The following AMBRA1 variants were observed in gnomAD, a reference collection of about 807,000 sequenced individuals.
The protein encoded by AMBRA1 is autophagy and beclin 1 regulator 1, also known as activating molecule in BECN1-regulated autophagy protein 1.
In AMBRA1, 47 loss-of-function variants were observed where a neutral mutation model predicts 125.4. That is an observed-to-expected ratio of 0.37 (90% confidence interval 0.30 to 0.48). The LOEUF (loss-of-function observed/expected upper bound fraction) is 0.48. AMBRA1 is among the 20% of genes least tolerant of loss of function. AMBRA1 has a pLI of 0.99. For missense variants in AMBRA1, 1,331 were observed against 1,693.4 expected, an observed-to-expected ratio of 0.79 and a Z score of 3.76; for synonymous variants, 626 against 655.5, an observed-to-expected ratio of 0.95 and a Z score of 0.69.
intron 11 of AMBRA1, among the ~76,000 whole-genome samples, chr11:46,474,914 C>T (rs953373560): frequency 6.6e-6 from 1 of 152,056 alleles, no homozygotes; most frequent in African/African-American, 2.4e-5. Flanking sequence ...ACACAGTGTG[C>T]GCTTGAGAAA....
intron 1 of AMBRA1, among the ~76,000 whole-genome samples, chr11:46,560,302 T>C (rs1267227923): frequency 1.3e-5 from 2 of 152,286 alleles, no homozygotes; most frequent in Admixed American, 6.5e-5. Context: ...ATATCACAAA[T>C]GGGCTAACAA....
intron 1 of AMBRA1, among the ~76,000 whole-genome samples, chr11:46,589,767 C>T (rs1039489549): frequency 2.6e-5 from 4 of 151,796 alleles, no homozygotes; most frequent in African/African-American, 9.7e-5. Context: ...CTACAGGCGC[C>T]CACCACCATT....
At chr11:46,538,183 C>T (rs1952566907) in intron 7 of AMBRA1, among the ~76,000 whole-genome samples, 1 of 152,192 alleles carries the variant, frequency 6.6e-6, no homozygotes, top group Non-Finnish European at 1.5e-5. Flanking sequence ...ACTTATTTTA[C>T]AACATACCTC....
intron 3 of AMBRA1, 160 bp from the exon 4 acceptor site, chr11:46,547,456 C>G (rs1052140170): frequency 1.5e-6 from 1 of 660,328 alleles, no homozygotes; most frequent in East Asian, 2.8e-5. Flanking sequence ...CAGAAATATT[C>G]TGATCTTTAA....
intron 1 of AMBRA1, among the ~76,000 whole-genome samples, chr11:46,569,799 T>C (rs974948305): frequency 2.0e-5 from 3 of 151,086 alleles, no homozygotes; most frequent in Non-Finnish European, 1.5e-5. Context: ...CCATCTCTAC[T>C]AAAAATACAA....
At chr11:46,548,820 C>T (rs974799456) in intron 1 of AMBRA1, among the ~76,000 whole-genome samples, 3 of 152,026 alleles carry the variant, frequency 2.0e-5, no homozygotes, top group African/African-American at 7.2e-5. Flanking sequence ...GGTGAAACCC[C>T]GTCTCTACTA....
intron 7 of AMBRA1, among the ~76,000 whole-genome samples, chr11:46,520,140 GAAA>G (rs35213610): frequency 4.6e-5 from 5 of 108,534 alleles, no homozygotes; most frequent in Admixed American, 1.1e-4. Flanking sequence ...ACTCCGCCTC[GAAA>G]AAAAAAAAAA....
chr11:46,411,199 G>C (rs1018530973), intron 15 of AMBRA1, among the ~76,000 whole-genome samples: 2 of 151,338 alleles, frequency 1.3e-5, no homozygotes, highest in African/African-American at 4.9e-5. Context: ...AGCGGAGGAA[G>C]ACAAACTTCA....
chr11:46,436,721 G>T (rs943313153), intron 12 of AMBRA1, among the ~76,000 whole-genome samples: 2 of 152,180 alleles, frequency 1.3e-5, no homozygotes, highest in Non-Finnish European at 2.9e-5. Context: ...TCCAGCTGGG[G>T]ATATAGAACC....
At position 46,476,522 on chromosome 11, in the gene AMBRA1, C is replaced by A. The variant is rs539010016; in HGVS notation, c.2521+17086G>T. On this transcript the variant is annotated intron_variant, in intron 11 of 17. Coordinates refer to ENST00000683756, the MANE Select transcript of AMBRA1 (RefSeq NM_001387011.1). ...CCAGGTAAGACATAGATTAGAATAG[C>A]CAGAAACTTATTCACAGCATGTGCT... 4.8e-4 allele frequency among the ~76,000 whole-genome samples: 51 copies of A among 106,138 alleles called. 1 individual carries two copies. The South Asian group carries it at 0.014, about 28-fold the overall frequency. 69.6% of individuals were successfully genotyped at this position (106,138 alleles called of 152,430 possible).
At chr11:46,537,870 A>G (rs1952553411) in intron 7 of AMBRA1, among the ~76,000 whole-genome samples, 1 of 152,226 alleles carries the variant, frequency 6.6e-6, no homozygotes, top group Admixed American at 6.5e-5. Flanking sequence ...TTTCAAGTAC[A>G]ATCACCTTTT....
intron 1 of AMBRA1, among the ~76,000 whole-genome samples, chr11:46,568,909 C>A (rs1220636875): frequency 6.9e-6 from 1 of 145,252 alleles, no homozygotes; most frequent in South Asian, 2.2e-4. Flanking sequence ...CAGGTTCAAT[C>A]GATTCTCCTG....
Position 46,542,962 on chromosome 11 carries a change from G to A in AMBRA1, c.1055C>T (p.Pro352Leu), listed in dbSNP as rs777885957. The A allele has an allele frequency of 1.6e-5, 25 of 1,605,976 alleles. No individual in the cohort carries two copies. The highest frequency in any genetic ancestry group is 5.3e-5 in the African/African-American group (4 of 74,908). The change falls in exon 7 of 18, where the codon CCG becomes CTG. Residue 352 changes from proline (P) to leucine (L), a missense_variant. Physicochemically the swap from Pro to Leu is moderately conservative, Grantham distance 98. Transcript: ENST00000683756. This position sits in a 1 kb window ranked among gnomAD's most constrained non-coding sequence, Gnocchi z 5.9. ...CTGCTGCGTTGACGAGGCCTGCTCC[G>A]GGGGATGGAAGGGCTCGGTCTGTAC... ...SFVQTEPFHPPEQASSTQQDQ... is the reference protein window; with the variant it reads ...SFVQTEPFHPLEQASSTQQDQ...
intron 1 of AMBRA1, among the ~76,000 whole-genome samples, chr11:46,559,795 CA>C (rs2043272763): frequency 6.6e-6 from 1 of 152,126 alleles, no homozygotes. Flanking sequence ...TAATCTTGGA[CA>C]AATCATATCC....
Position 46,397,564 on chromosome 11 carries a change from G to A in AMBRA1, c.3783C>T (p.Pro1261=), listed in dbSNP as rs1390817201. 1 of 1,576,770 alleles carries A rather than the reference G, an allele frequency of 6.3e-7. No homozygotes were observed. Among genetic ancestry groups the A allele is most frequent in the South Asian group, 1.2e-5 (1 of 85,428 alleles). Reference sequence around the variant, plus strand: ...AGTGGAGGGTTGGTCCCTCAGCGCTGGGAAGGGAAACAGGAATGGGGACAG... The same window carrying A: ...AGTGGAGGGTTGGTCCCTCAGCGCTAGGAAGGGAAACAGGAATGGGGACAG... The part of the protein sequence containing the change: ...SSPVPIPVSL[P]SAEGPTLHCE... Residue 1261 remains proline, a synonymous_variant, in exon 18 of 18, where the codon CCC becomes CCT. Transcript: ENST00000683756.
chr11:46,579,278 AG>A (rs2044088928), intron 1 of AMBRA1, among the ~76,000 whole-genome samples: 2 of 152,002 alleles, frequency 1.3e-5, no homozygotes, highest in Non-Finnish European at 2.9e-5. Context: ...ACCAACATGG[AG>A]AAACCCCATC....
intron 1 of AMBRA1, among the ~76,000 whole-genome samples, chr11:46,578,234 C>T (rs1402616234): frequency 6.6e-6 from 1 of 151,968 alleles, no homozygotes; most frequent in African/African-American, 2.4e-5. Flanking sequence ...CACCTGTAAT[C>T]CCAGCACCTT....
intron 13 of AMBRA1, 71 bp from the exon 14 acceptor site, chr11:46,433,699 A>G (rs1947562801): frequency 3.4e-6 from 5 of 1,490,298 alleles, no homozygotes; most frequent in Non-Finnish European, 4.6e-6. Context: ...TTTCACTCTT[A>G]CTCTTGTCTT....
intron 11 of AMBRA1, chr11:46,491,438 A>C (rs1257925322): frequency 6.6e-6 from 1 of 152,230 alleles, no homozygotes; most frequent in African/African-American, 2.4e-5. Context: ...TAAAGCACGT[A>C]AAACACTCCC....
Sources: allele counts gnomAD v4.1 joint callset (sites outside exome capture counted in the v4.1 genomes callset), GRCh38; gene constraint gnomAD v4.1.1; non-coding constraint Gnocchi (gnomAD v3.1); transcripts MANE v1.5; gene names NCBI Gene and HGNC (gene_info 2026-07-23, HGNC 2026-07-21).